MSI2: variants seen among roughly 807,000 people sequenced by gnomAD.
MSI2 encodes the protein RNA-binding protein Musashi homolog 2.
MSI2 carries 17 observed loss-of-function variants against 45.6 expected under a neutral mutation model. The observed-to-expected ratio is 0.37, with a 90% CI of 0.26 to 0.56. The LOEUF (loss-of-function observed/expected upper bound fraction) is 0.56, where lower values mean the gene tolerates loss of function less well. MSI2 is among the 20% of genes least tolerant of loss of function. MSI2 has a pLI of 0.77. For synonymous variants in MSI2, 156 were observed against 158.2 expected (o/e 0.99, Z 0.11); for missense variants, 293 against 444.2 (o/e 0.66, Z 3.06).
In MSI2 at chr17:57,652,193, G is replaced by A. The variant is rs1256737400; in HGVS notation, c.790+32G>A. ...AGGTGTATGGGACAGGCGACTCCCA[G>A]GCATGCCCCCAGTGTGCAGGGGGAG... is the stretch of plus-strand genomic sequence containing the variant. On this transcript the variant is annotated intron_variant, in intron 11 of 13. Coordinates refer to ENST00000284073, the MANE Select transcript of MSI2 (RefSeq NM_138962.4). This position sits in a 1 kb window ranked among gnomAD's most constrained non-coding sequence, Gnocchi z 4.1. The A allele has an allele frequency of 6.2e-7, 1 of 1,605,034 alleles. No homozygotes were observed. The highest frequency in any genetic ancestry group is 8.5e-7 in the Non-Finnish European group (1 of 1,172,000).
chr17:57,284,414 A>T (rs1276293146), intron 5 of MSI2, among the ~76,000 whole-genome samples: 3 of 152,128 alleles, frequency 2.0e-5, no homozygotes, highest in Admixed American at 6.5e-5. Flanking sequence ...AACAAAAAAT[A>T]AATCTGTGTG....
Position 57,365,944 on chromosome 17 carries a change from G to C in MSI2, c.313-35435G>C, listed in dbSNP as rs568555032. On this transcript the variant is annotated intron_variant, in intron 5 of 13. Transcript: ENST00000284073. Reference sequence around the variant, plus strand: ...ACTATTTTTTTTGAGACAGAGTCTCGCTCTGTCACCCAGGCTGGATGCAGT... The same window carrying C: ...ACTATTTTTTTTGAGACAGAGTCTCCCTCTGTCACCCAGGCTGGATGCAGT... 3.3e-5 allele frequency among the ~76,000 whole-genome samples: 5 copies of C among 152,038 alleles called. No homozygotes were observed. In the East Asian group the frequency reaches 9.7e-4, roughly 29 times the overall value.
chr17:57,523,901 C>A (rs4793861), intron 6 of MSI2, among the ~76,000 whole-genome samples: 4,740 of 152,302 alleles, frequency 0.031, 134 homozygotes, highest in Admixed American at 0.083. Context: ...ATGAGGACCA[C>A]GTATGAGTTA....
chr17:57,494,618 C>G (rs536738048), intron 6 of MSI2, among the ~76,000 whole-genome samples: 2 of 152,328 alleles, frequency 1.3e-5, no homozygotes, highest in South Asian at 4.1e-4. Flanking sequence ...GTGCTGGGCA[C>G]CATTCCAGTT....
chr17:57,654,885 C>CT (rs752364324), intron 11 of MSI2, among the ~76,000 whole-genome samples: 24 of 146,218 alleles, frequency 1.6e-4, no homozygotes, highest in African/African-American at 4.0e-4. Context: ...CTTTTTTTGT[C>CT]TTTGATTTTT....
chr17:57,409,003 C>T (rs527410257), intron 6 of MSI2, among the ~76,000 whole-genome samples: 2 of 151,892 alleles, frequency 1.3e-5, no homozygotes, highest in South Asian at 2.1e-4. Context: ...CTCTGTAGAC[C>T]GGCCAGATTT....
chr17:57,537,293 A>G (rs981630915), intron 7 of MSI2, among the ~76,000 whole-genome samples: 7 of 151,430 alleles, frequency 4.6e-5, no homozygotes, highest in Admixed American at 3.9e-4. Flanking sequence ...TGAGGGGCAC[A>G]CCCGCCTCTT....
intron 8 of MSI2, among the ~76,000 whole-genome samples, chr17:57,604,377 T>C (rs1023396763): frequency 6.6e-6 from 1 of 152,128 alleles, no homozygotes; most frequent in Non-Finnish European, 1.5e-5. Context: ...AAGGAGGTCC[T>C]CAGCAGATTA....
chr17:57,495,679 A>G (rs867469784), intron 6 of MSI2, among the ~76,000 whole-genome samples: 10 of 152,018 alleles, frequency 6.6e-5, no homozygotes, highest in Non-Finnish European at 1.2e-4. Context: ...CCTTTGTGGC[A>G]TTGATTCCTG....
intron 5 of MSI2, among the ~76,000 whole-genome samples, chr17:57,376,086 G>A (rs1330128789): frequency 6.6e-6 from 1 of 152,206 alleles, no homozygotes; most frequent in South Asian, 2.1e-4. Context: ...CTTCTCTCCA[G>A]TTTCCCCTCA....
At chr17:57,464,013 GTGTGTGTA>G (rs969733208) in intron 6 of MSI2, among the ~76,000 whole-genome samples, 7 of 128,314 alleles carry the variant, frequency 5.5e-5, no homozygotes, top group South Asian at 3.3e-4. Flanking sequence ...GTGTGTGTGT[GTGTGTGTA>G]TGTGTGTGTG....
At chr17:57,455,644 T>C (rs9915128) in intron 6 of MSI2, among the ~76,000 whole-genome samples, 107,211 of 151,890 alleles carry the variant, frequency 0.71, 38,141 homozygotes, top group East Asian at 0.86. Context: ...TCTTGAGAGA[T>C]GTGGGGAGCA....
chr17:57,447,204 A>G (rs955179278), intron 6 of MSI2, among the ~76,000 whole-genome samples: 3 of 152,176 alleles, frequency 2.0e-5, no homozygotes, highest in Non-Finnish European at 4.4e-5. Context: ...CTCCCACCTC[A>G]GCCTCCCAAG....
At chr17:57,394,890 T>C (rs8074019) in intron 5 of MSI2, among the ~76,000 whole-genome samples, 145,307 of 152,332 alleles carry the variant, frequency 0.95, 69,730 homozygotes, top group East Asian at 1. Flanking sequence ...ATCTCTGTAT[T>C]AGTTTTGTGG....
Position 57,401,488 on chromosome 17 carries a change from G to T in MSI2, c.405+17G>T, listed in dbSNP as rs781406837. The T allele has an allele frequency of 6.2e-7, 1 of 1,604,842 alleles. No individual in the cohort carries two copies. Among genetic ancestry groups the T allele is most frequent in the Non-Finnish European group, 8.5e-7 (1 of 1,171,480 alleles). On this transcript the variant is annotated intron_variant, in intron 6 of 13. Coordinates refer to ENST00000284073, the MANE Select transcript of MSI2 (RefSeq NM_138962.4). ...TTTGGCAAGGTAAGCGCTGGATGGG[G>T]TTGGATGGCACATGCCAGAAGTAGC...
chr17:57,563,746 GCACACACACA>G lies in MSI2; in HGVS notation c.455-33093_455-33084del, dbSNP rs61342598. 6.6e-3 allele frequency among the ~76,000 whole-genome samples: 914 copies of G among 139,390 alleles called. 13 individuals are homozygous for G. Among genetic ancestry groups the G allele is most frequent in the African/African-American group, 0.023 (841 of 37,304 alleles). The allele number at this position is 139,390 out of a possible 152,430, so 91.4% of individuals were successfully genotyped here. A position where few individuals can be genotyped will look rare whatever the true frequency, so the allele number is the denominator to read the frequency against. On this transcript the variant is annotated intron_variant, in intron 7 of 13. Transcript: ENST00000284073. ...TTCCCTCTCACACACACACAGGCGC[GCACACACACA>G]CACACACACACACACACACACACAC...
chr17:57,490,323 C>T (rs78754514), intron 6 of MSI2, among the ~76,000 whole-genome samples: 7,264 of 152,328 alleles, frequency 0.048, 202 homozygotes, highest in African/African-American at 0.072. Flanking sequence ...AGATCTATTG[C>T]TGACACCTGA....
intron 6 of MSI2, among the ~76,000 whole-genome samples, chr17:57,439,602 A>G (rs1298487981): frequency 6.9e-6 from 1 of 145,814 alleles, no homozygotes; most frequent in Non-Finnish European, 1.5e-5. Flanking sequence ...TCTGTCGCTC[A>G]GGCTGGAGTG....
intron 5 of MSI2, among the ~76,000 whole-genome samples, chr17:57,362,901 G>A (rs1240046466): frequency 6.6e-6 from 1 of 152,130 alleles, no homozygotes; most frequent in Admixed American, 6.5e-5. Flanking sequence ...GAACCCTTAC[G>A]TGTTGCTGAT....
Sources: allele counts gnomAD v4.1 joint callset (sites outside exome capture counted in the v4.1 genomes callset), GRCh38; gene constraint gnomAD v4.1.1; non-coding constraint Gnocchi (gnomAD v3.1); transcripts MANE v1.5; gene names NCBI Gene and HGNC (gene_info 2026-07-23, HGNC 2026-07-21).